Variants in PBX1 observed in about 807,000 individuals in gnomAD.
PBX1 encodes the protein pre-B-cell leukemia transcription factor 1.
In PBX1, 6 loss-of-function variants were observed where a neutral mutation model predicts 53.4. The observed-to-expected ratio is 0.11, with a 90% CI of 0.06 to 0.22. The LOEUF (loss-of-function observed/expected upper bound fraction) is 0.22. PBX1 is among the 10% of genes least tolerant of loss of function. The pLI is 1.00. For synonymous variants in PBX1, 204 were observed against 212.3 expected, an observed-to-expected ratio of 0.96 and a Z score of 0.34; for missense variants, 251 against 551.4, an observed-to-expected ratio of 0.46 and a Z score of 5.46.
intron 2 of PBX1, among the ~76,000 whole-genome samples, chr1:164,778,295 T>A (rs762647758): frequency 2.6e-5 from 4 of 152,186 alleles, no homozygotes; most frequent in Admixed American, 1.3e-4. Context: ...TTTGCACAAC[T>A]GTAATTTTTG....
rs183358755 is a variant in PBX1, at chr1:164,877,831, G to T, written n.258-21357G>T. Among the ~76,000 whole-genome samples, 657 of 152,252 alleles carry T rather than the reference G, an allele frequency of 4.3e-3. 5 individuals are homozygous for T. Among genetic ancestry groups the T allele is most frequent in the Non-Finnish European group, 7.2e-3 (493 of 68,012 alleles). ...AAGTGATCACCACAACCAAGATAAT[G>T]AACATATTCATCACATCCAAAAGTT... On this transcript the variant is annotated intron_variant and non_coding_transcript_variant, in intron 2 of 2. Transcript: ENST00000558796.
chr1:164,842,419 T>C (rs1342312805), intron 8 of PBX1, among the ~76,000 whole-genome samples: 1 of 152,234 alleles, frequency 6.6e-6, no homozygotes, highest in African/African-American at 2.4e-5. Context: ...CCAAATTCTT[T>C]AGGATAGACC....
At chr1:164,622,602 T>C (rs1657755559) in intron 2 of PBX1, among the ~76,000 whole-genome samples, 1 of 152,150 alleles carries the variant, frequency 6.6e-6, no homozygotes, top group Admixed American at 6.5e-5. Flanking sequence ...TTGAATTCTC[T>C]ACCCATCATG....
chr1:164,813,358 A>G (rs570239070), intron 6 of PBX1: 1 of 152,336 alleles, frequency 6.6e-6, no homozygotes, highest in East Asian at 1.9e-4. Flanking sequence ...GTAGAATTCA[A>G]TCCAGTTTTA....
intron 2 of PBX1, chr1:164,674,764 C>A (rs1346394262): frequency 6.6e-6 from 1 of 150,402 alleles, no homozygotes; most frequent in Non-Finnish European, 1.5e-5. Flanking sequence ...CAAACTGAAT[C>A]CAGCTGATCC....
chr1:164,820,352 C>T (rs909513146), intron 7 of PBX1, among the ~76,000 whole-genome samples, 168 bp downstream of exon 7: 1 of 152,136 alleles, frequency 6.6e-6, no homozygotes, highest in Admixed American at 6.5e-5. Context: ...TGGGGAATCT[C>T]GTCCACACTT....
chr1:164,859,472 A>G (rs553037457), intron 2 of PBX1, among the ~76,000 whole-genome samples: 4 of 152,294 alleles, frequency 2.6e-5, no homozygotes, highest in African/African-American at 9.6e-5. Context: ...AATGACATAA[A>G]ACCAGCTCTT....
intron 2 of PBX1, among the ~76,000 whole-genome samples, chr1:164,861,498 T>C (rs1672096988): frequency 6.6e-6 from 1 of 152,118 alleles, no homozygotes; most frequent in South Asian, 2.1e-4. Flanking sequence ...ATTGAACAAA[T>C]ACCTCCCCAC....
chr1:164,865,068 A>C (rs926991529), intron 2 of PBX1, among the ~76,000 whole-genome samples: 1 of 152,198 alleles, frequency 6.6e-6, no homozygotes, highest in African/African-American at 2.4e-5. Context: ...GGCACCACCA[A>C]TTTGTCTAGC....
chr1:164,800,711 ATC>A (rs1669026167), intron 4 of PBX1, among the ~76,000 whole-genome samples: 1 of 152,230 alleles, frequency 6.6e-6, no homozygotes, highest in South Asian at 2.1e-4. Flanking sequence ...TTGATAATTC[ATC>A]TAGCAAATAC....
rs961517255 is a variant in PBX1, at chr1:164,851,014, T to C, written c.*4338T>C. On this transcript the variant is annotated 3_prime_UTR_variant, in exon 9 of 9. Coordinates refer to ENST00000420696, the MANE Select transcript of PBX1 (RefSeq NM_002585.4). Reference sequence around the variant, plus strand: ...GTAAACTACATGCAGGAAGAAGTCCTTGGGGCCAGTCTGCCAGCTGAGTCC... The same window carrying C: ...GTAAACTACATGCAGGAAGAAGTCCCTGGGGCCAGTCTGCCAGCTGAGTCC... 4.0e-5 allele frequency: 9 copies of C among 222,660 alleles called. No homozygotes were observed. Among genetic ancestry groups the C allele is most frequent in the African/African-American group, 2.0e-4 (9 of 44,748 alleles). 13.8% of individuals were successfully genotyped at this position (222,660 alleles called of 1,614,324 possible). A position where few individuals can be genotyped will look rare whatever the true frequency, so the allele number is the denominator to read the frequency against.
At position 164,858,101 on chromosome 1, in the gene PBX1, C is replaced by T. The variant is rs141856730; in HGVS notation, n.257+26618C>T. Reference sequence around the variant, plus strand: ...AGCTAGCCTGGCTGCTAAGATCTTACTCTTCCTGAAAAAGTTCTTGTCATC... The same window carrying T: ...AGCTAGCCTGGCTGCTAAGATCTTATTCTTCCTGAAAAAGTTCTTGTCATC... On this transcript the variant is annotated intron_variant and non_coding_transcript_variant, in intron 2 of 2. Transcript: ENST00000558796. Among the ~76,000 whole-genome samples the T allele has an allele frequency of 7.0e-3, 1,068 of 152,162 alleles. 8 individuals are homozygous for T. Among genetic ancestry groups the T allele is most frequent in the African/African-American group, 0.025 (1,031 of 41,502 alleles).
intron 2 of PBX1, among the ~76,000 whole-genome samples, chr1:164,741,495 G>A (rs1418509259): frequency 6.6e-6 from 1 of 152,164 alleles, no homozygotes; most frequent in African/African-American, 2.4e-5. Flanking sequence ...TGGTCTTTTG[G>A]CCCTGCCATT....
At chr1:164,636,144 TTCTC>T (rs1227186045) in intron 2 of PBX1, among the ~76,000 whole-genome samples, 4 of 148,166 alleles carry the variant, frequency 2.7e-5, no homozygotes, top group African/African-American at 4.9e-5. Flanking sequence ...CCCAGCATCT[TTCTC>T]TCTCTCTCTT....
chr1:164,604,511 A>G (rs542201149), intron 2 of PBX1, among the ~76,000 whole-genome samples: 2 of 152,346 alleles, frequency 1.3e-5, no homozygotes, highest in African/African-American at 4.8e-5. Flanking sequence ...GCCAGCACTC[A>G]GTGATAACTA....
At chr1:164,721,113 C>G (rs142882320) in intron 2 of PBX1, among the ~76,000 whole-genome samples, 21 of 152,290 alleles carry the variant, frequency 1.4e-4, no homozygotes, top group African/African-American at 4.8e-4. Flanking sequence ...TCTAATCCTG[C>G]GAGTCTGTAA....
At chr1:164,573,003 AC>A (rs1389653986) in intron 2 of PBX1, among the ~76,000 whole-genome samples, 1 of 151,374 alleles carries the variant, frequency 6.6e-6, no homozygotes, top group African/African-American at 2.4e-5. Context: ...ACACTTTCAC[AC>A]CCCCCTCCCC....
chr1:164,776,286 T>A (rs1232436574), intron 2 of PBX1, among the ~76,000 whole-genome samples: 1 of 152,096 alleles, frequency 6.6e-6, no homozygotes, highest in Non-Finnish European at 1.5e-5. Context: ...AGAATCCGCA[T>A]CCCCAGAAAC....
intron 2 of PBX1, among the ~76,000 whole-genome samples, chr1:164,723,488 AAGGGGTTGC>A (rs1291568229): frequency 6.6e-6 from 1 of 152,138 alleles, no homozygotes; most frequent in African/African-American, 2.4e-5. Flanking sequence ...GGGCATATGA[AAGGGGTTGC>A]AGGGAGAGAT....
Sources: gnomAD v4.1 joint callset for allele counts (sites outside exome capture counted in the v4.1 genomes callset) on GRCh38, gnomAD v4.1.1 for gene constraint, MANE v1.5 for transcripts, NCBI Gene and HGNC (gene_info 2026-07-23, HGNC 2026-07-21) for gene names.